VPS9D1: variants seen among roughly 807,000 people sequenced by gnomAD.
The protein encoded by VPS9D1 is VPS9 domain-containing protein 1.
A neutral mutation model predicts 75.8 loss-of-function variants in VPS9D1; 78 were observed. The observed-to-expected ratio is 1.03, with a 90% CI of 0.86 to 1.24. VPS9D1 has a LOEUF of 1.24. Ranked by LOEUF, VPS9D1 falls within the 50% of genes most tolerant of loss-of-function variation. VPS9D1 has a pLI of 0.00. For synonymous variants in VPS9D1, 481 were observed against 385.6 expected, an observed-to-expected ratio of 1.25 and a Z score of -2.90; for missense variants, 1,057 against 847.7, an observed-to-expected ratio of 1.25 and a Z score of -3.07.
chr16:89,711,677 C>A, intron 8 of VPS9D1: 2 of 712,252 alleles, frequency 2.8e-6, no homozygotes, highest in Non-Finnish European at 4.5e-6. Flanking sequence ...CACGCGACCC[C>A]TGACCTCGCC....
At chr16:89,718,991 G>A in intron 2 of VPS9D1, 36 bp downstream of exon 2, 1 of 1,590,746 alleles carries the variant, frequency 6.3e-7, no homozygotes. Flanking sequence ...TGGGATTACA[G>A]GCGTGAGCCA....
intron 6 of VPS9D1, 105 bp downstream of exon 6, chr16:89,712,355 C>A: frequency 6.5e-7 from 1 of 1,534,896 alleles, no homozygotes; most frequent in Non-Finnish European, 8.8e-7. Flanking sequence ...GCCCTGTACC[C>A]CGACCCCGGA....
intron 4 of VPS9D1, among the ~76,000 whole-genome samples, chr16:89,713,428 G>GTATTTTTAGT (rs1482738775): frequency 6.6e-6 from 1 of 151,220 alleles, no homozygotes; most frequent in Admixed American, 6.6e-5. Flanking sequence ...CTAATTTTTT[G>GTATTTTTAGT]TATTTTTAGT....
intron 14 of VPS9D1, 111 bp downstream of exon 14, chr16:89,708,316 C>T (rs1277391251): frequency 5.6e-6 from 6 of 1,069,732 alleles, no homozygotes; most frequent in Non-Finnish European, 8.2e-6. Context: ...ATGGCTGTGA[C>T]GGAGCCACAC....
chr16:89,715,197 T>C (rs940292248), intron 4 of VPS9D1, among the ~76,000 whole-genome samples: 1 of 151,660 alleles, frequency 6.6e-6, no homozygotes, highest in Non-Finnish European at 1.5e-5. Flanking sequence ...TATATATAGA[T>C]ATATAACTCA....
Position 89,712,755 on chromosome 16 carries a change from C to G in VPS9D1, c.432-39G>C, listed in dbSNP as rs758690660. 6.7e-6 allele frequency: 10 copies of G among 1,492,684 alleles called. No individual in the cohort carries two copies. In the East Asian group the frequency reaches 2.4e-4, roughly 35 times the overall value. The allele number at this position is 1,492,684 out of a possible 1,614,324, so 92.5% of individuals were successfully genotyped here. ...AAGCTGCTGTCTAGACCCCAGGAAG[C>G]CCAGTGGTGTCTGGACACCAGAGGA... On this transcript the variant is annotated intron_variant, in intron 4 of 14. Coordinates refer to ENST00000389386, the MANE Select transcript of VPS9D1 (RefSeq NM_004913.3).
chr16:89,716,604 T>C lies in VPS9D1; in HGVS notation c.289A>G (p.Thr97Ala). The C allele has an allele frequency of 1.2e-6, 2 of 1,613,606 alleles. No individual in the cohort carries two copies. The highest frequency in any genetic ancestry group is 1.7e-6 in the Non-Finnish European group (2 of 1,179,710). Residue 97 changes from threonine (T) to alanine (A), a missense_variant, in exon 4 of 15, where the codon ACC (threonine) becomes GCC (alanine). Thr to Ala is a moderately conservative substitution (Grantham distance 58, BLOSUM62 0). Coordinates refer to ENST00000389386, the MANE Select transcript of VPS9D1 (RefSeq NM_004913.3). The stretch of plus-strand genomic sequence containing the variant: ...GGAATGGGAGCAGCTGCAGGCATGG[T>C]TGGCTTCAGGCGTGTTTTCCCTGCA... Reference protein sequence around the residue: ...AKLGKTRLKPTMPAAAPIPQP... With the variant: ...AKLGKTRLKPAMPAAAPIPQP...
intron 4 of VPS9D1, among the ~76,000 whole-genome samples, 181 bp downstream of exon 4, chr16:89,716,281 G>A (rs1597925424): frequency 6.6e-6 from 1 of 152,084 alleles, no homozygotes; most frequent in East Asian, 1.9e-4. Context: ...CAGAAGAATG[G>A]TGTGAACCCG....
Position 89,710,730 on chromosome 16 carries a change from C to T in VPS9D1, c.1114G>A (p.Gly372Arg). The T allele has an allele frequency of 6.3e-7, 1 of 1,592,106 alleles. No individual in the cohort carries two copies. The highest frequency in any genetic ancestry group is 8.5e-7 in the Non-Finnish European group (1 of 1,169,664). Residue 372 changes from glycine (G) to arginine (R), a missense_variant, in exon 10 of 15, where the codon GGA (glycine) becomes AGA (arginine). Physicochemically the swap from Gly to Arg is moderately radical, Grantham distance 125. Transcript: ENST00000389386. ...SPSPLGDTAS[G>R]LPDKDSSFED... Reference sequence around the variant, plus strand: ...AACGAGCTGTCCTTGTCTGGCAATCCAGATGCGGTGTCCCCCAGGGGTGAG... The same window carrying T: ...AACGAGCTGTCCTTGTCTGGCAATCTAGATGCGGTGTCCCCCAGGGGTGAG...
intron 4 of VPS9D1, among the ~76,000 whole-genome samples, chr16:89,713,833 C>A (rs941886009): frequency 5.9e-5 from 9 of 151,694 alleles, no homozygotes; most frequent in African/African-American, 2.2e-4. Context: ...ATGGTGAAAC[C>A]CCGTCTCTAT....
At chr16:89,716,361 G>A in intron 4 of VPS9D1, 101 bp downstream of exon 4, 1 of 1,553,754 alleles carries the variant, frequency 6.4e-7, no homozygotes, top group Non-Finnish European at 8.7e-7. Context: ...GTGAGACTCT[G>A]TCTCAAAAAA....
chr16:89,716,890 G>A, intron 2 of VPS9D1, 68 bp from the exon 3 acceptor site: 2 of 1,433,054 alleles, frequency 1.4e-6, no homozygotes, highest in Non-Finnish European at 1.9e-6. Flanking sequence ...GAGATAAAAT[G>A]AGGCAACGGA....
chr16:89,709,239 GCTT>G lies in VPS9D1; in HGVS notation c.1582_1584del (p.Lys528del). The G allele has an allele frequency of 6.2e-7, 1 of 1,611,954 alleles. No individual in the cohort carries two copies. The highest frequency in any genetic ancestry group is 8.5e-7 in the Non-Finnish European group (1 of 1,179,988). On this transcript the variant is annotated inframe_deletion, in exon 12 of 15. Transcript: ENST00000389386. ...CGAACCTGCTGACCTATGCACTCCAGCTTCTTCTGGGGGCAGCTCTCCAGGACC... is the reference window on the plus strand; with the variant it reads ...CGAACCTGCTGACCTATGCACTCCAGCTTCTGGGGGCAGCTCTCCAGGACC...
Position 89,720,753 on chromosome 16 carries a change from C to T in VPS9D1, c.99+10G>A. On this transcript the variant is annotated intron_variant, in intron 1 of 14. Transcript: ENST00000389386. ...CTCAGCGGCCAAGCCCCGCCCCCGC[C>T]CCGCCTCACCCGGGGCCGGTTGCCG... is the stretch of plus-strand genomic sequence containing the variant. The T allele has an allele frequency of 1.4e-6, 2 of 1,440,922 alleles. No individual in the cohort carries two copies. Among genetic ancestry groups the T allele is most frequent in the Non-Finnish European group, 1.8e-6 (2 of 1,093,614 alleles). The allele number at this position is 1,440,922 out of a possible 1,614,324, so 89.3% of individuals were successfully genotyped here.
intron 4 of VPS9D1, among the ~76,000 whole-genome samples, chr16:89,714,264 G>A (rs34133162): frequency 0.18 from 26,712 of 151,784 alleles, 2,464 homozygotes; most frequent in African/African-American, 0.21. Context: ...TAAGCTCATC[G>A]GCTGTTGTTA....
intron 8 of VPS9D1, 137 bp from the exon 9 acceptor site, chr16:89,711,549 C>G (rs561631702): frequency 1.2e-6 from 1 of 830,790 alleles, no homozygotes; most frequent in South Asian, 1.8e-5. Context: ...CAGCAGGCCC[C>G]GCGACCCGCC....
intron 4 of VPS9D1, chr16:89,713,030 C>G (rs2060974651): frequency 5.1e-6 from 1 of 197,268 alleles, no homozygotes; most frequent in Non-Finnish European, 1.0e-5. Context: ...ACTAAAAATA[C>G]AAAAATTAGC....
rs367779124 is a variant in VPS9D1 at position 89,709,894 on chromosome 16, G to C, written c.1271C>G (p.Ser424Trp). 1.2e-6 allele frequency: 2 copies of C among 1,610,306 alleles called. No homozygotes were observed. The highest frequency in any genetic ancestry group is 1.7e-6 in the Non-Finnish European group (2 of 1,178,138). ...GCCTTCGAAGGCCAGAAGGGTCAGC[G>C]AGAGCAGCCTGTCTGCTAGGAACAG... ...EIHNAVDRLL[S>W]LTLLAFEGLN... The change falls in exon 11 of 15, where the codon TCG (serine) becomes TGG (tryptophan). Residue 424 changes from serine (S) to tryptophan (W), a missense_variant. Physicochemically the swap from Ser to Trp is radical, Grantham distance 177 (BLOSUM62 -3). Transcript: ENST00000389386.
Position 89,709,320 on chromosome 16 carries a change from T to C in VPS9D1, c.1504A>G (p.Lys502Glu). The stretch of plus-strand genomic sequence containing the variant: ...CAGTAGGGGTAGCCAGTGGCCCCCT[T>C]GGCCTCAGGGTTCTGGGGGAGGAGC... Reference protein sequence around the residue: ...TKLLPQNPEAKGATGYPYCAA... With the variant: ...TKLLPQNPEAEGATGYPYCAA... The change falls in exon 12 of 15, where the codon AAG becomes GAG. Residue 502 changes from lysine (K) to glutamate (E), a missense_variant. Lys to Glu is a moderately conservative substitution (Grantham distance 56, BLOSUM62 1). Coordinates refer to ENST00000389386, the MANE Select transcript of VPS9D1 (RefSeq NM_004913.3). 1.9e-5 allele frequency: 30 copies of C among 1,604,410 alleles called. No individual in the cohort carries two copies. The highest frequency in any genetic ancestry group is 2.1e-5 in the Non-Finnish European group (25 of 1,177,218).
Sources: allele counts gnomAD v4.1 joint callset (sites outside exome capture counted in the v4.1 genomes callset), GRCh38; gene constraint gnomAD v4.1.1; transcripts MANE v1.5; gene names NCBI Gene and HGNC (gene_info 2026-07-23, HGNC 2026-07-21).